ANKRD54: variants seen among roughly 807,000 people sequenced by gnomAD.
ANKRD54 encodes ankyrin repeat domain-containing protein 54.
A neutral mutation model predicts 36.2 loss-of-function variants in ANKRD54; 26 were observed. The observed-to-expected ratio is 0.72, with a 90% confidence interval of 0.53 to 1.00. The LOEUF is 1.00. Ranked by LOEUF, ANKRD54 falls within the 50% of genes least tolerant of loss-of-function variation. The pLI is 0.00. For missense variants in ANKRD54, 384 were observed against 424.3 expected, an observed-to-expected ratio of 0.91 and a Z score of 0.83; for synonymous variants, 209 against 188.4, an observed-to-expected ratio of 1.11 and a Z score of -0.89.
intron 1 of ANKRD54, 67 bp from the exon 2 acceptor site, chr22:37,840,301 A>C: frequency 6.4e-7 from 1 of 1,560,274 alleles, no homozygotes. Flanking sequence ...GCTCATGCCT[A>C]TAATCCCAGC....
intron 1 of ANKRD54, among the ~76,000 whole-genome samples, chr22:37,842,215 C>G (rs1195782529): frequency 6.6e-6 from 1 of 152,046 alleles, no homozygotes; most frequent in Non-Finnish European, 1.5e-5. Context: ...ATTGCACCAC[C>G]TGCACTGCAG....
rs538763205 is a variant in ANKRD54, at chr22:37,836,921, C to T, written c.475+1579G>A. 5.3e-5 allele frequency among the ~76,000 whole-genome samples: 8 copies of T among 150,636 alleles called. No individual in the cohort carries two copies. The East Asian group carries it at 5.9e-4, about 11-fold the overall frequency. Reference sequence around the variant, plus strand: ...ATGCGTGCCTATAATCCCAGCTACCCGGGAGGCTGAAGCAGGAGAATTACT... The same window carrying T: ...ATGCGTGCCTATAATCCCAGCTACCTGGGAGGCTGAAGCAGGAGAATTACT... On this transcript the variant is annotated intron_variant, in intron 3 of 7. Coordinates refer to ENST00000215941, the MANE Select transcript of ANKRD54 (RefSeq NM_138797.4).
At position 37,831,885 on chromosome 22, in the gene ANKRD54, A is replaced by G. The variant is rs1392545360; in HGVS notation, c.*58T>C. ...CCCAGATGTTGGGCTTTTTCTTGGT[A>G]CTGAGACAGCAGTGGGGCAGGGTGG... On this transcript the variant is annotated 3_prime_UTR_variant, in exon 8 of 8. Transcript: ENST00000215941. 6.4e-7 allele frequency: 1 copy of G among 1,572,954 alleles called. No individual in the cohort carries two copies. Among genetic ancestry groups the G allele is most frequent in the Admixed American group, 1.7e-5 (1 of 58,662 alleles).
intron 2 of ANKRD54, among the ~76,000 whole-genome samples, chr22:37,838,828 A>T (rs1378338222): frequency 1.3e-5 from 2 of 152,168 alleles, no homozygotes; most frequent in Non-Finnish European, 2.9e-5. Flanking sequence ...ACGTCTAGTG[A>T]TAGAACATCG....
chr22:37,836,994 A>T (rs1017410314), intron 3 of ANKRD54, among the ~76,000 whole-genome samples: 1 of 148,750 alleles, frequency 6.7e-6, no homozygotes, highest in African/African-American at 2.5e-5. Flanking sequence ...ACGCCATTGC[A>T]CTCCAGCCTG....
chr22:37,847,886 A>C (rs1924930438), upstream of ANKRD54: 1 of 289,860 alleles, frequency 3.4e-6, no homozygotes, highest in African/African-American at 2.3e-5. Context: ...TGCAATTCTC[A>C]ATAGGATGTT....
upstream of ANKRD54, among the ~76,000 whole-genome samples, chr22:37,845,675 C>A (rs1924795655): frequency 6.6e-6 from 1 of 151,716 alleles, no homozygotes; most frequent in African/African-American, 2.4e-5. Flanking sequence ...TCAAGACAAG[C>A]CTGGCCAACA....
chr22:37,849,180 T>G, upstream of ANKRD54: 1 of 483,402 alleles, frequency 2.1e-6, no homozygotes, highest in Non-Finnish European at 3.7e-6. Flanking sequence ...GAGACGGGGT[T>G]TCTCCATATT....
chr22:37,842,855 A>G (rs1173179414), intron 1 of ANKRD54, among the ~76,000 whole-genome samples: 4 of 152,234 alleles, frequency 2.6e-5, no homozygotes, highest in African/African-American at 9.6e-5. Context: ...CATGCATTGT[A>G]GAAGACAATA....
At position 37,835,361 on chromosome 22, in the gene ANKRD54, C is replaced by CAAAT. The variant is rs528976396; in HGVS notation, c.476-1610_476-1607dup. On this transcript the variant is annotated intron_variant, in intron 3 of 7. Coordinates refer to ENST00000215941, the MANE Select transcript of ANKRD54 (RefSeq NM_138797.4). ...TAGGCAACAGAGTGAGACTCTGTCT[C>CAAAT]AAATAAATAAATAAATAAATAAAAA... Among the ~76,000 whole-genome samples the CAAAT allele has an allele frequency of 6.1e-3, 923 of 151,858 alleles. 8 individuals carry two copies. Among genetic ancestry groups the CAAAT allele is most frequent in the African/African-American group, 0.021 (850 of 41,400 alleles).
intron 4 of ANKRD54, 90 bp downstream of exon 4, chr22:37,833,594 T>C (rs1923165981): frequency 5.0e-6 from 7 of 1,390,524 alleles, no homozygotes; most frequent in Non-Finnish European, 6.1e-6. Flanking sequence ...TCACAGTTTC[T>C]GCCAGGAGCA....
At chr22:37,845,036 AAAAG>A (rs1187085895), upstream of ANKRD54, among the ~76,000 whole-genome samples, 15 of 151,480 alleles carry the variant, frequency 9.9e-5, no homozygotes, top group Non-Finnish European at 2.1e-4. Flanking sequence ...AAAAAAAAAA[AAAAG>A]AACTTCCCAC....
intron 2 of ANKRD54, among the ~76,000 whole-genome samples, chr22:37,839,155 G>A (rs148722688): frequency 0.061 from 9,308 of 151,896 alleles, 366 homozygotes; most frequent in African/African-American, 0.081. Context: ...GATTACAGGC[G>A]TGAGCCACCA....
chr22:37,844,229 C>T lies in ANKRD54; in HGVS notation c.10G>A (p.Ala4Thr). MAAAAGDADDEPRS... is the reference protein window; with the variant it reads MAATAGDADDEPRS... The stretch of plus-strand genomic sequence containing the variant: ...GGCTCGTCGTCCGCGTCCCCGGCGG[C>T]GGCTGCCATGGCAACGGCTCCGCGC... The change falls in exon 1 of 8, where the codon GCC (alanine) becomes ACC (threonine). Residue 4 changes from alanine to threonine, a missense_variant. Physicochemically the swap from Ala to Thr is moderately conservative, Grantham distance 58 (BLOSUM62 0). This residue lies in a region of ANKRD54 where 195 missense variants were observed against 177.7 expected (regional missense o/e 1.10). Coordinates refer to ENST00000215941, the MANE Select transcript of ANKRD54 (RefSeq NM_138797.4). The T allele has an allele frequency of 6.5e-7, 1 of 1,540,590 alleles. No individual in the cohort carries two copies. Among genetic ancestry groups the T allele is most frequent in the Non-Finnish European group, 8.7e-7 (1 of 1,153,840 alleles).
chr22:37,844,441 A>C, upstream of ANKRD54: 1 of 519,666 alleles, frequency 1.9e-6, no homozygotes, highest in Non-Finnish European at 3.3e-6. Flanking sequence ...CGGTCCCAAA[A>C]CCAATCGGAA....
chr22:37,836,924 G>GA (rs1366035628), intron 3 of ANKRD54, among the ~76,000 whole-genome samples: 8 of 151,502 alleles, frequency 5.3e-5, no homozygotes, highest in African/African-American at 1.7e-4. Context: ...AGCTACCCGG[G>GA]AGGCTGAAGC....
intron 7 of ANKRD54, 120 bp downstream of exon 7, chr22:37,832,517 T>C: frequency 3.5e-6 from 3 of 868,614 alleles, no homozygotes; most frequent in Non-Finnish European, 5.4e-6. Context: ...TGTGAGCCCC[T>C]GCGGCTGGCC....
intron 3 of ANKRD54, among the ~76,000 whole-genome samples, chr22:37,836,907 T>C (rs1569097269): frequency 6.6e-6 from 1 of 151,076 alleles, no homozygotes; most frequent in Non-Finnish European, 1.5e-5. Context: ...TGCGTGCCTA[T>C]AATCCCAGCT....
chr22:37,845,741 C>T (rs1018756442), upstream of ANKRD54, among the ~76,000 whole-genome samples: 3 of 152,112 alleles, frequency 2.0e-5, no homozygotes, highest in Non-Finnish European at 4.4e-5. Flanking sequence ...TGGTGGCGCA[C>T]GCCTGTAATC....
Sources: allele counts gnomAD v4.1 joint callset (sites outside exome capture counted in the v4.1 genomes callset), GRCh38; gene constraint gnomAD v4.1.1; regional missense constraint gnomAD v4.1.1; transcripts MANE v1.5; gene names NCBI Gene and HGNC (gene_info 2026-07-23, HGNC 2026-07-21).